The following NSFL1C variants were observed in gnomAD, a reference collection of about 807,000 sequenced individuals.
NSFL1C encodes the protein NSFL1 cofactor p47.
Under a neutral mutation model 43.1 loss-of-function variants are expected in NSFL1C, and 14 were observed. The ratio of observed to expected loss-of-function variants is 0.32; its 90% CI spans 0.21 to 0.51. The LOEUF is 0.51. Among genes scored for constraint, NSFL1C ranks in the 20% least tolerant of loss-of-function variants. The pLI is 0.98. For missense variants in NSFL1C, 406 were observed against 472.5 expected, an observed-to-expected ratio of 0.86 and a Z score of 1.30; for synonymous variants, 171 against 183.5, an observed-to-expected ratio of 0.93 and a Z score of 0.55.
At chr20:1,464,552 G>A in intron 1 of NSFL1C, 126 bp from the exon 2 acceptor site, 1 of 685,620 alleles carries the variant, frequency 1.5e-6, no homozygotes, top group East Asian at 2.7e-5. Context: ...ATGGGCCAAA[G>A]AAAATTAGAC....
intron 2 of NSFL1C, among the ~76,000 whole-genome samples, chr20:1,459,071 A>T (rs1198035508): frequency 1.3e-5 from 2 of 152,168 alleles, no homozygotes; most frequent in East Asian, 3.8e-4. Context: ...ATCATAAGAC[A>T]AGTTTTATCA....
intron 1 of NSFL1C, among the ~76,000 whole-genome samples, chr20:1,465,636 G>A (rs2090494308): frequency 6.6e-6 from 1 of 152,182 alleles, no homozygotes; most frequent in South Asian, 2.1e-4. Context: ...CTACTTACTG[G>A]CTATGTGACC....
chr20:1,446,653 C>G (rs2090065685), intron 7 of NSFL1C, among the ~76,000 whole-genome samples: 1 of 151,240 alleles, frequency 6.6e-6, no homozygotes, highest in South Asian at 2.1e-4. Context: ...GCATAATGCA[C>G]TCAGGATGGC....
At chr20:1,454,151 C>T in intron 5 of NSFL1C, 62 bp downstream of exon 5, 1 of 1,298,928 alleles carries the variant, frequency 7.7e-7, no homozygotes, top group Middle Eastern at 2.0e-4. Context: ...TGTAACCAAT[C>T]CCTTCAGAAA....
At chr20:1,444,535 A>G (rs914841213) in intron 8 of NSFL1C, among the ~76,000 whole-genome samples, 5 of 152,228 alleles carry the variant, frequency 3.3e-5, no homozygotes, top group African/African-American at 1.2e-4. Context: ...CCTGGAGATC[A>G]TATGACAATG....
chr20:1,452,880 GT>G, intron 6 of NSFL1C, 150 bp downstream of exon 6: 1 of 712,020 alleles, frequency 1.4e-6, no homozygotes. Flanking sequence ...GACATACAAG[GT>G]TTTTGGAGCA....
chr20:1,456,499 T>C (rs1020691240), intron 3 of NSFL1C: 1 of 152,218 alleles, frequency 6.6e-6, no homozygotes, highest in African/African-American at 2.4e-5. Flanking sequence ...CTGACCATGA[T>C]GAGATAACTG....
At position 1,464,353 on chromosome 20, in the gene NSFL1C, G is replaced by T. The variant is rs775087608; in HGVS notation, c.179C>A (p.Ser60Ter). The T allele has an allele frequency of 6.2e-7, 1 of 1,614,234 alleles. No individual in the cohort carries two copies. The highest frequency in any genetic ancestry group is 8.5e-7 in the Non-Finnish European group (1 of 1,180,024). ...IVTISQATPS[S>*]VSRGTAPSDN... ...CCTGGGGGCTGTGCCTCTGGACACT[G>T]AACTGGGGGTTGCCTGCGAAATGGT... is the stretch of plus-strand genomic sequence containing the variant. The change falls in exon 2 of 9, where the codon TCA (serine) becomes TAA (stop). Residue 60 changes from serine to a stop codon, truncating the protein, a stop_gained. Coordinates refer to ENST00000216879, the MANE Select transcript of NSFL1C (RefSeq NM_016143.5). LOFTEE classifies it high-confidence loss of function.
At chr20:1,456,718 T>C (rs1055670330) in intron 3 of NSFL1C, 1 of 152,186 alleles carries the variant, frequency 6.6e-6, no homozygotes, top group African/African-American at 2.4e-5. Context: ...ATCAAGAGCC[T>C]TAAAAATATG....
Position 1,466,702 on chromosome 20 carries a change from C to A in NSFL1C, c.105+18G>T. 6.5e-7 allele frequency: 1 copy of A among 1,536,970 alleles called. No individual in the cohort carries two copies. Among genetic ancestry groups the A allele is most frequent in the Non-Finnish European group, 8.7e-7 (1 of 1,145,410 alleles). The stretch of plus-strand genomic sequence containing the variant: ...GCAGTCCCCGGCCCACCCGACACAG[C>A]CCGCCGCGCGGCGCTACCTGCAAGT... On this transcript the variant is annotated intron_variant, in intron 1 of 8. Coordinates refer to ENST00000216879, the MANE Select transcript of NSFL1C (RefSeq NM_016143.5).
At chr20:1,455,661 A>C in intron 3 of NSFL1C, 5 of 779,494 alleles carry the variant, frequency 6.4e-6, no homozygotes, top group South Asian at 5.4e-5. Flanking sequence ...CTACTCTGTG[A>C]CTCACTTTCC....
At chr20:1,463,843 G>A (rs978227376) in intron 2 of NSFL1C, 1 of 154,048 alleles carries the variant, frequency 6.5e-6, no homozygotes, top group African/African-American at 2.4e-5. Context: ...GGATTGCAAA[G>A]GTTAACACTG....
At chr20:1,454,410 G>A in intron 4 of NSFL1C, 105 bp from the exon 5 acceptor site, 3 of 805,460 alleles carry the variant, frequency 3.7e-6, no homozygotes, top group Non-Finnish European at 6.1e-6. Flanking sequence ...AAAGAGGACA[G>A]GGTTCCTGAT....
At chr20:1,444,748 A>G (rs2090023123) in intron 8 of NSFL1C, among the ~76,000 whole-genome samples, 1 of 152,244 alleles carries the variant, frequency 6.6e-6, no homozygotes, top group African/African-American at 2.4e-5. Flanking sequence ...GGGAATGGGC[A>G]GCAGTGTGCT....
At chr20:1,452,661 C>T (rs1216939710) in intron 6 of NSFL1C, 31 bp from the exon 7 acceptor site, 3 of 1,612,124 alleles carry the variant, frequency 1.9e-6, no homozygotes, top group Non-Finnish European at 2.5e-6. Context: ...CTGAGGTCCA[C>T]AGAGAGAAGA....
intron 3 of NSFL1C, chr20:1,455,656 C>T: frequency 1.3e-6 from 1 of 779,654 alleles, no homozygotes; most frequent in African/African-American, 1.7e-5. Flanking sequence ...GTGCACTACT[C>T]TGTGACTCAC....
chr20:1,458,229 A>T lies in NSFL1C; in HGVS notation c.249T>A (p.Asp83Glu). ...GGCCTTCCTCTTCCTCCTCATCTTC[A>T]TCTTGGTCATGAATGAGGTCTCTGA... The part of the protein sequence containing the change: ...TSFRDLIHDQ[D>E]EDEEEEEGQR... The change falls in exon 3 of 9, where the codon GAT (aspartate) becomes GAA (glutamate). Residue 83 changes from aspartate to glutamate, a missense_variant. Physicochemically the swap from Asp to Glu is conservative, Grantham distance 45. Coordinates refer to ENST00000216879, the MANE Select transcript of NSFL1C (RefSeq NM_016143.5). The T allele has an allele frequency of 1.2e-6, 2 of 1,613,668 alleles. No homozygotes were observed. Among genetic ancestry groups the T allele is most frequent in the Non-Finnish European group, 1.7e-6 (2 of 1,179,748 alleles).
chr20:1,456,736 T>C (rs893908777), intron 3 of NSFL1C: 3 of 152,194 alleles, frequency 2.0e-5, no homozygotes, highest in African/African-American at 4.8e-5. Flanking sequence ...ATGCATGCCC[T>C]TGACCTGGTA....
chr20:1,456,719 T>C (rs577351390), intron 3 of NSFL1C: 1 of 152,288 alleles, frequency 6.6e-6, no homozygotes, highest in African/African-American at 2.4e-5. Context: ...TCAAGAGCCT[T>C]AAAAATATGC....
Sources: gnomAD v4.1 joint callset for allele counts (sites outside exome capture counted in the v4.1 genomes callset) on GRCh38, gnomAD v4.1.1 for gene constraint, MANE v1.5 for transcripts, NCBI Gene and HGNC (gene_info 2026-07-23, HGNC 2026-07-21) for gene names.